NWD2: variants seen among roughly 807,000 people sequenced by gnomAD.
NWD2 encodes NACHT and WD repeat domain-containing protein 2.
NWD2 carries 37 observed loss-of-function variants against 132.7 expected under a neutral mutation model. The observed-to-expected ratio is 0.28, with a 90% CI of 0.21 to 0.37. The LOEUF is 0.37. NWD2 is among the 10% of genes least tolerant of loss of function. NWD2 has a pLI of 1.00. For synonymous variants in NWD2, 705 were observed against 803.0 expected (o/e 0.88, Z 2.06); for missense variants, 1,592 against 2,122.4 (o/e 0.75, Z 4.91).
At chr4:37,337,615 G>C (rs187094730) in intron 2 of NWD2, among the ~76,000 whole-genome samples, 9 of 152,284 alleles carry the variant, frequency 5.9e-5, no homozygotes, top group Admixed American at 4.6e-4. Flanking sequence ...TCATTGCTGA[G>C]GTTCCATCTC....
chr4:37,348,681 C>CACAT (rs1719698644), intron 2 of NWD2, among the ~76,000 whole-genome samples: 1 of 112,752 alleles, frequency 8.9e-6, no homozygotes, highest in African/African-American at 3.2e-5. Context: ...TATATACACA[C>CACAT]ACACACACAC....
chr4:37,382,441 C>T (rs1346722992), intron 3 of NWD2, among the ~76,000 whole-genome samples: 1 of 152,144 alleles, frequency 6.6e-6, no homozygotes, highest in African/African-American at 2.4e-5. Flanking sequence ...GTACTGTCTT[C>T]CATCACAAGA....
intron 1 of NWD2, among the ~76,000 whole-genome samples, chr4:37,274,108 CA>C (rs1184600244): frequency 2.6e-5 from 4 of 151,820 alleles, no homozygotes; most frequent in Non-Finnish European, 4.4e-5. Context: ...GATAGAGACA[CA>C]AAAAACCCTT....
At chr4:37,374,200 A>G (rs1252005637) in intron 3 of NWD2, among the ~76,000 whole-genome samples, 1 of 152,192 alleles carries the variant, frequency 6.6e-6, no homozygotes, top group Non-Finnish European at 1.5e-5. Flanking sequence ...GCTGATTTAA[A>G]GAGCCTGGCA....
At chr4:37,277,784 A>AT (rs1377455236) in intron 1 of NWD2, among the ~76,000 whole-genome samples, 1 of 152,004 alleles carries the variant, frequency 6.6e-6, no homozygotes, top group Non-Finnish European at 1.5e-5. Context: ...ATATCTCACA[A>AT]TTTTTTGTGA....
intron 2 of NWD2, among the ~76,000 whole-genome samples, chr4:37,354,076 GT>G (rs1458289556): frequency 1.3e-5 from 2 of 152,254 alleles, no homozygotes; most frequent in African/African-American, 4.8e-5. Context: ...CTGTTTGTTA[GT>G]TTTCCTTCCA....
chr4:37,308,488 G>C (rs962948001), intron 1 of NWD2, among the ~76,000 whole-genome samples: 1 of 152,188 alleles, frequency 6.6e-6, no homozygotes, highest in Non-Finnish European at 1.5e-5. Context: ...ATGCTGGTCA[G>C]GGCGGCAGTC....
chr4:37,313,703 G>A (rs1718899743), intron 1 of NWD2, among the ~76,000 whole-genome samples: 1 of 150,726 alleles, frequency 6.6e-6, no homozygotes, highest in Non-Finnish European at 1.5e-5. Context: ...TTTGTTTGTT[G>A]TTTGTTTGTT....
intron 3 of NWD2, among the ~76,000 whole-genome samples, chr4:37,393,665 A>T (rs1428666347): frequency 2.6e-5 from 4 of 152,094 alleles, no homozygotes; most frequent in Non-Finnish European, 4.4e-5. Flanking sequence ...AGCAGCGAGC[A>T]CTCTGTTGGC....
At chr4:37,305,497 C>G (rs916835142) in intron 1 of NWD2, among the ~76,000 whole-genome samples, 8 of 152,192 alleles carry the variant, frequency 5.3e-5, no homozygotes, top group South Asian at 4.1e-4. Flanking sequence ...TTCAGAAAAT[C>G]TCTTCGTTGA....
rs1290351728 is a variant in NWD2, at chr4:37,430,552, A to G, written c.358-20A>G. The G allele has an allele frequency of 1.3e-6, 2 of 1,533,294 alleles. No individual in the cohort carries two copies. The highest frequency in any genetic ancestry group is 2.0e-5 in the Admixed American group (1 of 50,890). 95.0% of individuals were successfully genotyped at this position (1,533,294 alleles called of 1,614,324 possible). Reference sequence around the variant, plus strand: ...CTTTCTTGGTGATACACTAAATTGAACTTTCTTGTTGATACACAGGGACTA... The same window carrying G: ...CTTTCTTGGTGATACACTAAATTGAGCTTTCTTGTTGATACACAGGGACTA... On this transcript the variant is annotated intron_variant, in intron 3 of 6. Transcript: ENST00000309447.
intron 3 of NWD2, among the ~76,000 whole-genome samples, chr4:37,357,311 T>G (rs952132540): frequency 2.6e-5 from 4 of 152,134 alleles, no homozygotes; most frequent in Non-Finnish European, 4.4e-5. Flanking sequence ...AAAAACTAGA[T>G]TCAATATATC....
intron 1 of NWD2, among the ~76,000 whole-genome samples, chr4:37,267,836 GA>G (rs923609288): frequency 8.6e-5 from 13 of 151,746 alleles, no homozygotes; most frequent in Non-Finnish European, 1.5e-4. Context: ...TGTTGAGGGG[GA>G]AAAAACACAG....
rs192687977 is a variant in NWD2 at position 37,271,116 on chromosome 4, C to G, written c.151+25898C>G. Among the ~76,000 whole-genome samples, 183 of 151,896 alleles carry G rather than the reference C, an allele frequency of 1.2e-3. No individual in the cohort carries two copies. In the Middle Eastern group the frequency reaches 0.027, roughly 23 times the overall value. On this transcript the variant is annotated intron_variant, in intron 1 of 6. Transcript: ENST00000309447. ...ATTGGTCAATTGGTCTATCCTTACT[C>G]CATTACCATACTGCCTTGATTACCG...
At chr4:37,311,466 C>A (rs1170097529) in intron 1 of NWD2, among the ~76,000 whole-genome samples, 4 of 151,092 alleles carry the variant, frequency 2.6e-5, no homozygotes, top group African/African-American at 9.9e-5. Context: ...CCTTTGCCCA[C>A]TTTTTGATGG....
At chr4:37,428,965 G>A (rs1032721068) in intron 3 of NWD2, among the ~76,000 whole-genome samples, 6 of 152,104 alleles carry the variant, frequency 3.9e-5, no homozygotes, top group African/African-American at 1.4e-4. Context: ...CTCCTGACCT[G>A]AGGTGATCTG....
intron 1 of NWD2, among the ~76,000 whole-genome samples, chr4:37,281,455 G>T (rs1718127730): frequency 6.6e-6 from 1 of 152,078 alleles, no homozygotes; most frequent in South Asian, 2.1e-4. Context: ...GGGATGAAAG[G>T]AAAGAGATCC....
chr4:37,370,308 GTATT>G (rs1465603784), intron 3 of NWD2, among the ~76,000 whole-genome samples: 3 of 152,228 alleles, frequency 2.0e-5, no homozygotes, highest in East Asian at 3.9e-4. Flanking sequence ...TTAGTAATGA[GTATT>G]TAAGGATTTC....
Position 37,444,345 on chromosome 4 carries a change from T to G in NWD2, c.2357T>G (p.Leu786Arg). The G allele has an allele frequency of 6.4e-7, 1 of 1,551,948 alleles. No homozygotes were observed. Among genetic ancestry groups the G allele is most frequent in the Non-Finnish European group, 8.7e-7 (1 of 1,147,052 alleles). ...GAGGACCCCTACTTGAATGGCTGCC[T>G]TGACTTGGAGAACAGAAGTTTGCTG... ...CLEDPYLNGCLDLENRSLLEE... is the reference protein window; with the variant it reads ...CLEDPYLNGCRDLENRSLLEE... The change falls in exon 7 of 7, where the codon CTT (leucine) becomes CGT (arginine). Residue 786 changes from leucine (L) to arginine (R), a missense_variant. This residue lies in a region of NWD2 where 1,071 missense variants were observed against 1,398.0 expected (regional missense o/e 0.77). Coordinates refer to ENST00000309447, the MANE Select transcript of NWD2 (RefSeq NM_001144990.2). The surrounding 1 kb of genome is among the most constrained non-coding windows in gnomAD (Gnocchi z 4.8).
Sources: allele counts gnomAD v4.1 joint callset (sites outside exome capture counted in the v4.1 genomes callset), GRCh38; gene constraint gnomAD v4.1.1; regional missense constraint gnomAD v4.1.1; non-coding constraint Gnocchi (gnomAD v3.1); transcripts MANE v1.5; gene names NCBI Gene and HGNC (gene_info 2026-07-23, HGNC 2026-07-21).